The following PDE4D variants were observed in gnomAD, a reference collection of about 807,000 sequenced individuals.
PDE4D encodes the protein 3',5'-cyclic-AMP phosphodiesterase 4D.
In PDE4D, 24 loss-of-function variants were observed where a neutral mutation model predicts 87.4. The observed-to-expected ratio is 0.27, with a 90% CI of 0.20 to 0.39. The LOEUF is 0.39. Ranked by LOEUF, PDE4D falls within the 10% of genes least tolerant of loss-of-function variation. The pLI, the probability that PDE4D is intolerant of heterozygous loss-of-function variation, is 1.00. For missense variants in PDE4D, 714 were observed against 1,041.0 expected, an observed-to-expected ratio of 0.69 and a Z score of 4.32; for synonymous variants, 384 against 383.2, an observed-to-expected ratio of 1.00 and a Z score of -0.02.
intron 6 of PDE4D, among the ~76,000 whole-genome samples, chr5:59,013,062 TGC>T (rs1469954216): frequency 1.3e-5 from 2 of 152,098 alleles, no homozygotes; most frequent in African/African-American, 2.4e-5. Flanking sequence ...GGGTACATAA[TGC>T]GATGAAGGCA....
At chr5:59,033,599 G>A (rs796787513) in intron 6 of PDE4D, among the ~76,000 whole-genome samples, 3 of 152,306 alleles carry the variant, frequency 2.0e-5, no homozygotes, top group African/African-American at 7.2e-5. Context: ...GATAGCTACA[G>A]TCTATGTAAC....
chr5:60,374,760 T>C (rs983427690), intron 1 of PDE4D, among the ~76,000 whole-genome samples: 2 of 152,194 alleles, frequency 1.3e-5, no homozygotes, highest in Non-Finnish European at 2.9e-5. Flanking sequence ...AATCCAATCC[T>C]GAAATATCTG....
rs1271030582 is a variant in PDE4D at position 60,442,579 on chromosome 5, A to G, written c.-90+45363T>C. Among the ~76,000 whole-genome samples, 2 of 152,160 alleles carry G rather than the reference A, an allele frequency of 1.3e-5. 1 individual carries two copies. The highest frequency in any genetic ancestry group is 2.9e-5 in the Non-Finnish European group (2 of 68,006). On this transcript the variant is annotated intron_variant, in intron 1 of 16. Transcript: ENST00000502484. ...GCACATGTATCCCAGAAATTAAAGT[A>G]TAATAATAAAATAATAAATAAATAG...
chr5:60,125,441 C>A (rs1161232348), intron 2 of PDE4D, among the ~76,000 whole-genome samples: 1 of 152,126 alleles, frequency 6.6e-6, no homozygotes, highest in Non-Finnish European at 1.5e-5. Flanking sequence ...TGGAATACTG[C>A]ATTTATCTTC....
intron 2 of PDE4D, among the ~76,000 whole-genome samples, chr5:60,121,116 G>T (rs2149378437): frequency 6.6e-6 from 1 of 151,966 alleles, no homozygotes; most frequent in Middle Eastern, 3.4e-3. Flanking sequence ...GGCTCTCCTT[G>T]TTCCTCAGCT....
intron 1 of PDE4D, among the ~76,000 whole-genome samples, chr5:59,704,481 AT>A (rs1284652265): frequency 6.6e-6 from 1 of 152,136 alleles, no homozygotes; most frequent in Non-Finnish European, 1.5e-5. Context: ...TGTCATCCAA[AT>A]TTTGAGGATT....
At chr5:59,664,285 C>T (rs947810364) in intron 1 of PDE4D, among the ~76,000 whole-genome samples, 6 of 152,126 alleles carry the variant, frequency 3.9e-5, no homozygotes, top group African/African-American at 1.2e-4. Flanking sequence ...GCCATATAAT[C>T]AAGTTGTCAT....
intron 1 of PDE4D, among the ~76,000 whole-genome samples, chr5:59,784,380 A>C (rs938869643): frequency 2.0e-5 from 3 of 152,186 alleles, no homozygotes; most frequent in African/African-American, 4.8e-5. Flanking sequence ...AATGGGTTCA[A>C]ATTCCTCTCA....
intron 2 of PDE4D, among the ~76,000 whole-genome samples, chr5:60,067,763 C>A (rs1421492990): frequency 6.6e-6 from 1 of 152,074 alleles, no homozygotes; most frequent in Non-Finnish European, 1.5e-5. Flanking sequence ...CAATCCAACT[C>A]TTTGATTCTA....
rs1311064337 is a variant in PDE4D at position 59,971,143 on chromosome 5, T to G, written c.272+17345A>C. Among the ~76,000 whole-genome samples, 5 of 135,710 alleles carry G rather than the reference T, an allele frequency of 3.7e-5. No individual in the cohort carries two copies. In the Admixed American group the frequency reaches 4.2e-4, roughly 11 times the overall value. 89.0% of individuals were successfully genotyped at this position (135,710 alleles called of 152,430 possible). On this transcript the variant is annotated intron_variant, in intron 3 of 16. Transcript: ENST00000502484. ...AACACCGCATATTCTCACTTATAGG[T>G]GGGAATTGAACAATGAGATCACATG...
chr5:60,010,656 C>T (rs1437471653), intron 2 of PDE4D, among the ~76,000 whole-genome samples: 3 of 152,018 alleles, frequency 2.0e-5, no homozygotes, highest in Non-Finnish European at 2.9e-5. Flanking sequence ...GCATTTTGCT[C>T]TTGTCTTATG....
intron 2 of PDE4D, among the ~76,000 whole-genome samples, chr5:59,202,325 C>A (rs1561698040): frequency 1.3e-5 from 2 of 152,138 alleles, no homozygotes; most frequent in East Asian, 3.9e-4. Context: ...CAGGCATGAT[C>A]CACAGCGCCT....
rs538744613 is a variant in PDE4D at position 60,021,335 on chromosome 5, T to C, written c.43-32618A>G. 3.3e-5 allele frequency: 5 copies of C among 152,316 alleles called. No individual in the cohort carries two copies. In the East Asian group the frequency reaches 7.7e-4, roughly 23 times the overall value. The allele number at this position is 152,316 out of a possible 1,614,324, so 9.4% of individuals were successfully genotyped here. ...ACCTCCTGAGAGCAGTGTTAGGTAATAGGCATAGCCACAGAAGCCTTTGAG... is the reference window on the plus strand; with the variant it reads ...ACCTCCTGAGAGCAGTGTTAGGTAACAGGCATAGCCACAGAAGCCTTTGAG... On this transcript the variant is annotated intron_variant, in intron 2 of 16. Coordinates refer to the PDE4D transcript ENST00000502484.
intron 3 of PDE4D, among the ~76,000 whole-genome samples, chr5:59,971,456 T>C (rs1760763438): frequency 6.6e-6 from 1 of 152,016 alleles, no homozygotes; most frequent in South Asian, 2.1e-4. Context: ...ATAGCACTTA[T>C]ATAGGAAGAA....
At chr5:60,437,071 C>G (rs542356018) in intron 1 of PDE4D, among the ~76,000 whole-genome samples, 8 of 152,032 alleles carry the variant, frequency 5.3e-5, no homozygotes, top group African/African-American at 1.9e-4. Flanking sequence ...TTTTCTCCCC[C>G]ACACAATCAC....
chr5:60,248,227 A>T (rs1015002904), intron 1 of PDE4D, among the ~76,000 whole-genome samples: 4 of 152,100 alleles, frequency 2.6e-5, no homozygotes, highest in Admixed American at 2.6e-4. Flanking sequence ...TGTAATACGG[A>T]TATCTGGGGG....
intron 1 of PDE4D, among the ~76,000 whole-genome samples, chr5:60,384,571 T>C (rs1206860598): frequency 1.3e-5 from 2 of 152,180 alleles, no homozygotes; most frequent in Non-Finnish European, 2.9e-5. Flanking sequence ...CTTTCTTGGC[T>C]TCTACGACAT....
At chr5:60,002,321 A>G (rs1403527050) in intron 2 of PDE4D, among the ~76,000 whole-genome samples, 5 of 152,118 alleles carry the variant, frequency 3.3e-5, no homozygotes, top group Non-Finnish European at 7.4e-5. Flanking sequence ...TGTGGCAACA[A>G]GGGTGAATTG....
At chr5:59,440,005 C>T (rs1797356347) in intron 1 of PDE4D, among the ~76,000 whole-genome samples, 1 of 152,158 alleles carries the variant, frequency 6.6e-6, no homozygotes, top group South Asian at 2.1e-4. Flanking sequence ...TCCAATGAAG[C>T]TAACGTCACC....
Sources: gnomAD v4.1 joint callset for allele counts (sites outside exome capture counted in the v4.1 genomes callset) on GRCh38, gnomAD v4.1.1 for gene constraint, MANE v1.5 for transcripts, NCBI Gene and HGNC (gene_info 2026-07-23, HGNC 2026-07-21) for gene names.